The following AP3S1 variants were observed in gnomAD, a reference collection of about 807,000 sequenced individuals.
AP3S1 encodes the protein AP-3 complex subunit sigma-1.
In AP3S1, 12 loss-of-function variants were observed where a neutral mutation model predicts 21.3. The observed-to-expected ratio is 0.56, with a 90% CI of 0.36 to 0.91. AP3S1 has a LOEUF of 0.91. AP3S1 is among the 40% of genes least tolerant of loss of function. The pLI, the probability that AP3S1 is intolerant of heterozygous loss-of-function variation, is 0.01. For synonymous variants in AP3S1, 48 were observed against 78.4 expected (o/e 0.61, Z 2.05); for missense variants, 116 against 225.0 (o/e 0.52, Z 3.10).
At chr5:115,850,113 T>C (rs1408218575) in intron 1 of AP3S1, among the ~76,000 whole-genome samples, 2 of 152,198 alleles carry the variant, frequency 1.3e-5, no homozygotes, top group Non-Finnish European at 2.9e-5. Context: ...TGAAAAGCAT[T>C]TACATTTTTC....
chr5:115,871,823 A>C (rs780211195), intron 3 of AP3S1, among the ~76,000 whole-genome samples: 1 of 152,170 alleles, frequency 6.6e-6, no homozygotes, highest in Non-Finnish European at 1.5e-5. Flanking sequence ...ATGACTACTC[A>C]TACAGTCTCC....
chr5:115,893,091 C>G (rs955818112), intron 3 of AP3S1, among the ~76,000 whole-genome samples: 3 of 152,122 alleles, frequency 2.0e-5, no homozygotes, highest in Non-Finnish European at 4.4e-5. Flanking sequence ...AATAATTTCC[C>G]CATAAGCAAA....
intron 3 of AP3S1, 67 bp from the exon 4 acceptor site, chr5:115,895,020 C>A: frequency 1.9e-6 from 2 of 1,057,376 alleles, no homozygotes; most frequent in Non-Finnish European, 2.7e-6. Context: ...TAAGAATTGC[C>A]TTCCTTATAG....
At chr5:115,862,844 G>A (rs1190990704) in intron 1 of AP3S1, among the ~76,000 whole-genome samples, 1 of 152,220 alleles carries the variant, frequency 6.6e-6, no homozygotes, top group Non-Finnish European at 1.5e-5. Context: ...GTGCTCCCAA[G>A]CAGCAGAGAA....
chr5:115,847,001 A>G (rs532918777), intron 1 of AP3S1, among the ~76,000 whole-genome samples: 1 of 152,278 alleles, frequency 6.6e-6, no homozygotes, highest in South Asian at 2.1e-4. Flanking sequence ...TGTAGATCCA[A>G]TTTCTTTCTC....
chr5:115,869,474 T>C (rs1317519556), intron 2 of AP3S1, among the ~76,000 whole-genome samples: 1 of 152,210 alleles, frequency 6.6e-6, no homozygotes, highest in Non-Finnish European at 1.5e-5. Context: ...TTTTCTTATC[T>C]ACTGGCCTTT....
chr5:115,861,139 C>G (rs1362084475), intron 1 of AP3S1, among the ~76,000 whole-genome samples: 1 of 151,972 alleles, frequency 6.6e-6, no homozygotes, highest in African/African-American at 2.4e-5. Flanking sequence ...ACTAAGGAAC[C>G]ATGGAGAAAA....
intron 1 of AP3S1, among the ~76,000 whole-genome samples, chr5:115,860,933 G>A (rs746897954): frequency 6.6e-6 from 1 of 152,054 alleles, no homozygotes; most frequent in African/African-American, 2.4e-5. Context: ...CCAGATTTTG[G>A]ATAATATAAA....
rs114554715 is a variant in AP3S1 at position 115,884,145 on chromosome 5, C to G, written c.274-10942C>G. On this transcript the variant is annotated intron_variant, in intron 3 of 5. Transcript: ENST00000316788. ...TTAATGTGGTACCCTATAAAACAAGCAGTGCCTGTATTTTAAACGGAATTT... is the reference window on the plus strand; with the variant it reads ...TTAATGTGGTACCCTATAAAACAAGGAGTGCCTGTATTTTAAACGGAATTT... Among the ~76,000 whole-genome samples, 1,367 of 152,222 alleles carry G rather than the reference C, an allele frequency of 9.0e-3. 5 individuals are homozygous for G. Among genetic ancestry groups the G allele is most frequent in the African/African-American group, 0.015 (636 of 41,526 alleles).
intron 1 of AP3S1, among the ~76,000 whole-genome samples, chr5:115,866,247 T>C (rs1763607310): frequency 6.6e-6 from 1 of 152,266 alleles, no homozygotes; most frequent in African/African-American, 2.4e-5. Context: ...TTAAACTTAA[T>C]TGGAAGCTCC....
At position 115,903,002 on chromosome 5, in the gene AP3S1, G is replaced by A; in HGVS notation, c.453+10G>A. ...GCTGGAAAAATCTGAGGTAAGAATG[G>A]AAAATGCTGTAGTTAAGAAGGTTCT... On this transcript the variant is annotated intron_variant, in intron 5 of 5. Transcript: ENST00000316788. 8 of 1,586,670 alleles carry A rather than the reference G, an allele frequency of 5.0e-6. 1 individual carries two copies. Among genetic ancestry groups the A allele is most frequent in the Non-Finnish European group, 6.9e-6 (8 of 1,156,630 alleles).
At chr5:115,856,132 C>T (rs181876294) in intron 1 of AP3S1, among the ~76,000 whole-genome samples, 6 of 152,104 alleles carry the variant, frequency 3.9e-5, no homozygotes, top group Admixed American at 2.0e-4. Flanking sequence ...CTTTTGACTT[C>T]GGTTGTGAAA....
intron 3 of AP3S1, among the ~76,000 whole-genome samples, chr5:115,884,579 AACAAC>A (rs1749612254): frequency 6.6e-6 from 1 of 152,252 alleles, no homozygotes; most frequent in Non-Finnish European, 1.5e-5. Flanking sequence ...CGTCTCCAAC[AACAAC>A]AACAAGAAAA....
At chr5:115,868,854 C>G (rs1747936209) in intron 2 of AP3S1, among the ~76,000 whole-genome samples, 1 of 149,628 alleles carries the variant, frequency 6.7e-6, no homozygotes, top group Non-Finnish European at 1.5e-5. Context: ...TGCACTCCAG[C>G]CTGGGTGACA....
intron 4 of AP3S1, among the ~76,000 whole-genome samples, chr5:115,898,497 T>C (rs149869073): frequency 2.0e-5 from 3 of 152,250 alleles, no homozygotes; most frequent in African/African-American, 4.8e-5. Flanking sequence ...CCCAAGAGGA[T>C]AGGAAAAGAT....
At chr5:115,865,543 ATATG>A (rs1170161369) in intron 1 of AP3S1, among the ~76,000 whole-genome samples, 4 of 152,150 alleles carry the variant, frequency 2.6e-5, no homozygotes, top group African/African-American at 9.7e-5. Context: ...CCAAGTGATT[ATATG>A]TTTACCCTCC....
At chr5:115,842,226 C>G in intron 1 of AP3S1, 120 bp downstream of exon 1, 3 of 1,371,452 alleles carry the variant, frequency 2.2e-6, no homozygotes, top group Non-Finnish European at 2.9e-6. Flanking sequence ...CCGTCCCGGC[C>G]GCCTGGCGCT....
intron 2 of AP3S1, among the ~76,000 whole-genome samples, chr5:115,869,765 A>C (rs1223021169): frequency 2.0e-5 from 3 of 152,216 alleles, no homozygotes; most frequent in Non-Finnish European, 2.9e-5. Context: ...CTTGGCACAT[A>C]GTAGTTACTC....
chr5:115,901,275 T>A (rs146916435), intron 4 of AP3S1, among the ~76,000 whole-genome samples: 76 of 152,248 alleles, frequency 5.0e-4, no homozygotes, highest in African/African-American at 1.8e-3. Context: ...ATACCTAAGA[T>A]ATAGCTAGCT....
Sources: gnomAD v4.1 joint callset for allele counts (sites outside exome capture counted in the v4.1 genomes callset) on GRCh38, gnomAD v4.1.1 for gene constraint, MANE v1.5 for transcripts, NCBI Gene and HGNC (gene_info 2026-07-23, HGNC 2026-07-21) for gene names.